SMURF2: variants seen among roughly 807,000 people sequenced by gnomAD.
SMURF2 encodes SMAD specific E3 ubiquitin protein ligase 2, also known as E3 ubiquitin-protein ligase SMURF2.
In SMURF2, 48 loss-of-function variants were observed where a neutral mutation model predicts 109.6. The ratio of observed to expected loss-of-function variants is 0.44; its 90% CI spans 0.35 to 0.56. The LOEUF is 0.56. Among genes scored for constraint, SMURF2 ranks in the 20% least tolerant of loss-of-function variants. The pLI, the probability that SMURF2 is intolerant of heterozygous loss-of-function variation, is 0.01. For synonymous variants in SMURF2, 288 were observed against 317.1 expected, an observed-to-expected ratio of 0.91 and a Z score of 0.97; for missense variants, 575 against 909.0, an observed-to-expected ratio of 0.63 and a Z score of 4.72.
intron 1 of SMURF2, among the ~76,000 whole-genome samples, chr17:64,641,079 T>C (rs1186708297): frequency 1.3e-5 from 2 of 152,116 alleles, no homozygotes; most frequent in African/African-American, 2.4e-5. Flanking sequence ...AATTCACATA[T>C]TCATATAAAT....
intron 2 of SMURF2, 81 bp from the exon 3 acceptor site, chr17:64,598,571 A>G: frequency 8.5e-7 from 1 of 1,170,116 alleles, no homozygotes; most frequent in South Asian, 1.8e-5. Context: ...ATTTGCTACA[A>G]AAGATTATTC....
chr17:64,603,564 G>C (rs1258563126), intron 2 of SMURF2, among the ~76,000 whole-genome samples: 1 of 146,542 alleles, frequency 6.8e-6, no homozygotes, highest in Non-Finnish European at 1.5e-5. Flanking sequence ...CCGGGGGACA[G>C]AGCAAGACTC....
intron 1 of SMURF2, among the ~76,000 whole-genome samples, chr17:64,607,454 C>A (rs1598293408): frequency 6.7e-6 from 1 of 150,010 alleles, no homozygotes; most frequent in Non-Finnish European, 1.5e-5. Flanking sequence ...GGTGACACCC[C>A]GTCTCTACTA....
chr17:64,617,060 T>C (rs1416752749), intron 1 of SMURF2, among the ~76,000 whole-genome samples: 1 of 113,490 alleles, frequency 8.8e-6, no homozygotes, highest in Non-Finnish European at 1.7e-5. Context: ...GAATGAGACC[T>C]TGTCTAAAAA....
chr17:64,601,409 G>T (rs782086826), intron 2 of SMURF2, among the ~76,000 whole-genome samples: 19 of 152,078 alleles, frequency 1.2e-4, no homozygotes, highest in Non-Finnish European at 2.2e-4. Context: ...CTCAAAAAAA[G>T]ATATATCAAC....
chr17:64,591,103 T>G lies in SMURF2; in HGVS notation c.381A>C (p.Thr127=), dbSNP rs782136108. Residue 127 remains threonine, a synonymous_variant, in exon 5 of 19, where the codon ACA becomes ACC. Transcript: ENST00000262435. ...LCKLGPNDND[T]VRGQIVVSLQ... ...ACTTACCTACTATCTGTCCTCTAAC[T>G]GTATCATTGTCATTTGGCCCGAGTT... 1 of 1,613,196 alleles carries G rather than the reference T, an allele frequency of 6.2e-7. No individual in the cohort carries two copies. The highest frequency in any genetic ancestry group is 8.5e-7 in the Non-Finnish European group (1 of 1,179,542).
chr17:64,662,124 G>T lies in SMURF2; in HGVS notation c.-244C>A, dbSNP rs1021125980. 1.9e-6 allele frequency: 2 copies of T among 1,034,534 alleles called. No homozygotes were observed. Among genetic ancestry groups the T allele is most frequent in the Non-Finnish European group, 1.2e-6 (1 of 861,100 alleles). 64.1% of individuals were successfully genotyped at this position (1,034,534 alleles called of 1,614,324 possible). On this transcript the variant is annotated 5_prime_UTR_variant, in exon 1 of 19. Coordinates refer to ENST00000262435, the MANE Select transcript of SMURF2 (RefSeq NM_022739.4). ...GCCGCACAACAAAGCGGCAGCCGCG[G>T]CCGCCCGCGCCGCCTCCGCCCGCGC...
intron 6 of SMURF2, 127 bp from the exon 7 acceptor site, chr17:64,583,671 T>C: frequency 3.0e-6 from 2 of 659,298 alleles, no homozygotes; most frequent in African/African-American, 1.8e-5. Context: ...TCACAGAATA[T>C]ATAATTTTTT....
intron 4 of SMURF2, chr17:64,593,074 T>A (rs1399074969): frequency 6.6e-6 from 1 of 152,580 alleles, no homozygotes; most frequent in Non-Finnish European, 1.5e-5. Context: ...TAAGAAATTT[T>A]AAAAGGCATA....
At chr17:64,552,036 A>T (rs1277044374) in intron 15 of SMURF2, among the ~76,000 whole-genome samples, 2 of 152,318 alleles carry the variant, frequency 1.3e-5, no homozygotes, top group East Asian at 3.9e-4. Flanking sequence ...CATGCCAATA[A>T]CTAGAATAAA....
chr17:64,637,626 C>T (rs183385758), intron 1 of SMURF2, among the ~76,000 whole-genome samples: 1 of 152,078 alleles, frequency 6.6e-6, no homozygotes, highest in African/African-American at 2.4e-5. Context: ...TGTAATAGTG[C>T]GATCTTGGCT....
In SMURF2 at chr17:64,661,819, C is replaced by G. The variant is rs1325876652; in HGVS notation, c.52+10G>C. ...GCGGCTGCCCAGCCCGGCCCGCCGC[C>G]CCCCCTCACCTGTCAGGCGCAGCTT... On this transcript the variant is annotated intron_variant, in intron 1 of 18. Coordinates refer to ENST00000262435, the MANE Select transcript of SMURF2 (RefSeq NM_022739.4). 6 of 1,221,504 alleles carry G rather than the reference C, an allele frequency of 4.9e-6. No homozygotes were observed. The highest frequency in any genetic ancestry group is 3.2e-5 in the East Asian group (1 of 31,088). 75.7% of individuals were successfully genotyped at this position (1,221,504 alleles called of 1,614,324 possible).
At chr17:64,558,791 T>A (rs1240832971) in intron 12 of SMURF2, among the ~76,000 whole-genome samples, 1 of 152,244 alleles carries the variant, frequency 6.6e-6, no homozygotes, top group African/African-American at 2.4e-5. Flanking sequence ...AATTTGTTAC[T>A]CACTTTGGAA....
intron 1 of SMURF2, among the ~76,000 whole-genome samples, chr17:64,624,464 G>C (rs1555690994): frequency 6.8e-6 from 1 of 147,354 alleles, no homozygotes; most frequent in East Asian, 2.0e-4. Context: ...CTCCCAAGTA[G>C]CTGGGATTAC....
rs569524996 is a variant in SMURF2, at chr17:64,546,733, G to C, written c.2072-395C>G. Among the ~76,000 whole-genome samples, 6 of 152,286 alleles carry C rather than the reference G, an allele frequency of 3.9e-5. No homozygotes were observed. In the South Asian group the frequency reaches 1.2e-3, roughly 32 times the overall value. On this transcript the variant is annotated intron_variant, in intron 17 of 18. Transcript: ENST00000262435. ...AATTTAGATTTCATGACTCAAACTG[G>C]GCTGACAGCAAAAGAGCCGTCTATA... is the stretch of plus-strand genomic sequence containing the variant.
At chr17:64,636,060 A>T (rs184475946) in intron 1 of SMURF2, among the ~76,000 whole-genome samples, 6 of 152,158 alleles carry the variant, frequency 3.9e-5, no homozygotes, top group Admixed American at 1.3e-4. Context: ...TCATTTCCCT[A>T]ATGATTCATG....
chr17:64,628,036 C>T (rs1013358907), intron 1 of SMURF2, among the ~76,000 whole-genome samples: 1 of 152,178 alleles, frequency 6.6e-6, no homozygotes, highest in Non-Finnish European at 1.5e-5. Context: ...TATGACTGAG[C>T]CATCCGATGA....
chr17:64,653,921 T>C (rs1970671844), intron 1 of SMURF2, among the ~76,000 whole-genome samples: 1 of 152,192 alleles, frequency 6.6e-6, no homozygotes, highest in Non-Finnish European at 1.5e-5. Context: ...AAAGTACTGA[T>C]ACCCAGCATG....
intron 3 of SMURF2, 53 bp downstream of exon 3, chr17:64,598,329 A>AT: frequency 7.3e-7 from 1 of 1,373,946 alleles, no homozygotes; most frequent in Non-Finnish European, 1.0e-6. Flanking sequence ...TTCAAAGACT[A>AT]TATCAAATAA....
Sources: allele counts gnomAD v4.1 joint callset (sites outside exome capture counted in the v4.1 genomes callset), GRCh38; gene constraint gnomAD v4.1.1; transcripts MANE v1.5; gene names NCBI Gene and HGNC (gene_info 2026-07-23, HGNC 2026-07-21).